The following KATNAL1 variants were observed in gnomAD, a reference collection of about 807,000 sequenced individuals.
KATNAL1 encodes katanin catalytic subunit A1 like 1, also known as katanin p60 ATPase-containing subunit A-like 1.
A neutral mutation model predicts 55.2 loss-of-function variants in KATNAL1; 32 were observed. The ratio of observed to expected loss-of-function variants is 0.58; its 90% CI spans 0.44 to 0.78. The LOEUF is 0.78. KATNAL1 is among the 30% of genes least tolerant of loss of function. The pLI is 0.00. For missense variants in KATNAL1, 466 were observed against 600.9 expected (o/e 0.78, Z 2.35); for synonymous variants, 193 against 193.6 (o/e 1.00, Z 0.02).
chr13:30,240,513 C>T lies in KATNAL1; in HGVS notation c.673G>A (p.Val225Ile). ...AAGTCAGGCATCCACATTGGAAGAA[C>T]AACAGCTTCCCTTAGCAACTTCTTA... ...EAKKLLREAV[V>I]LPMWMPDFFK... Residue 225 changes from valine (V) to isoleucine (I), a missense_variant, in exon 6 of 11, where the codon GTT (valine) becomes ATT (isoleucine). By Grantham distance (29) the Val-to-Ile change is conservative. Coordinates refer to ENST00000380615, the MANE Select transcript of KATNAL1 (RefSeq NM_032116.5). 1 of 1,613,872 alleles carries T rather than the reference C, an allele frequency of 6.2e-7. No homozygotes were observed. Among genetic ancestry groups the T allele is most frequent in the Non-Finnish European group, 8.5e-7 (1 of 1,179,840 alleles).
intron 9 of KATNAL1, among the ~76,000 whole-genome samples, chr13:30,218,055 TG>T (rs1438467214): frequency 1.1e-4 from 16 of 151,724 alleles, no homozygotes; most frequent in African/African-American, 3.9e-4. Context: ...ACCTGGGAAA[TG>T]GGAGTACCAC....
chr13:30,255,856 TTC>T (rs1878738229), intron 3 of KATNAL1, among the ~76,000 whole-genome samples: 1 of 152,096 alleles, frequency 6.6e-6, no homozygotes, highest in Non-Finnish European at 1.5e-5. Context: ...GCAGCAATTA[TTC>T]TGTCAAAAGT....
At chr13:30,281,574 T>A (rs1050212423) in intron 2 of KATNAL1, among the ~76,000 whole-genome samples, 1 of 152,232 alleles carries the variant, frequency 6.6e-6, no homozygotes, top group Admixed American at 6.5e-5. Context: ...TCAATATAAC[T>A]TGGTAACATT....
intron 3 of KATNAL1, among the ~76,000 whole-genome samples, chr13:30,259,177 TA>T: frequency 6.6e-6 from 1 of 152,074 alleles, no homozygotes; most frequent in Non-Finnish European, 1.5e-5. Context: ...CTGTCTCTAC[TA>T]AAAATACAAA....
Position 30,271,516 on chromosome 13 carries a change from C to T in KATNAL1, c.323+8547G>A, listed in dbSNP as rs114410162. Among the ~76,000 whole-genome samples the T allele has an allele frequency of 8.9e-3, 1,348 of 152,012 alleles. 28 individuals are homozygous for T. The highest frequency in any genetic ancestry group is 0.031 in the African/African-American group (1,287 of 41,392). On this transcript the variant is annotated intron_variant, in intron 3 of 10. Coordinates refer to ENST00000380615, the MANE Select transcript of KATNAL1 (RefSeq NM_032116.5). The stretch of plus-strand genomic sequence containing the variant: ...GCAGCAAGAGGTTGGGGGGTGCGGG[C>T]GGAAGGTCAGGGAGGTGCTACACAC...
intron 4 of KATNAL1, among the ~76,000 whole-genome samples, chr13:30,243,641 C>T (rs1877497322): frequency 7.0e-6 from 1 of 143,046 alleles, no homozygotes; most frequent in African/African-American, 2.6e-5. Context: ...AAAGCAAGGG[C>T]CAGTAACAAA....
At chr13:30,223,757 T>G (rs888253546) in intron 9 of KATNAL1, among the ~76,000 whole-genome samples, 1 of 152,094 alleles carries the variant, frequency 6.6e-6, no homozygotes, top group African/African-American at 2.4e-5. Context: ...AAGTTCCCAG[T>G]CATAGATGAA....
intron 4 of KATNAL1, among the ~76,000 whole-genome samples, chr13:30,251,695 T>C (rs1025203946): frequency 6.6e-6 from 1 of 152,118 alleles, no homozygotes; most frequent in African/African-American, 2.4e-5. Flanking sequence ...CCAGACACAC[T>C]GAAATAAAAC....
chr13:30,240,395 A>G, intron 6 of KATNAL1, 65 bp downstream of exon 6: 2 of 1,129,880 alleles, frequency 1.8e-6, no homozygotes, highest in Non-Finnish European at 2.7e-6. Flanking sequence ...AACTACAGCA[A>G]TGCTGCCTTT....
At chr13:30,277,375 T>G (rs1042528051) in intron 3 of KATNAL1, among the ~76,000 whole-genome samples, 3 of 152,182 alleles carry the variant, frequency 2.0e-5, no homozygotes, top group Non-Finnish European at 2.9e-5. Flanking sequence ...GACTAATGTT[T>G]AGAGAGGTTA....
chr13:30,253,445 A>G (rs1015114900), intron 4 of KATNAL1, among the ~76,000 whole-genome samples: 1 of 152,074 alleles, frequency 6.6e-6, no homozygotes, highest in Non-Finnish European at 1.5e-5. Context: ...TATAATTTCC[A>G]GGAAAAAAAA....
At position 30,207,688 on chromosome 13, in the gene KATNAL1, A is replaced by G. The variant is rs2137329427; in HGVS notation, c.*852T>C. The G allele has an allele frequency of 6.6e-6, 1 of 152,376 alleles. No homozygotes were observed. The highest frequency in any genetic ancestry group is 2.4e-5 in the African/African-American group (1 of 41,564). The allele number at this position is 152,376 out of a possible 1,614,324, so 9.4% of individuals were successfully genotyped here. ...AGGCTGAGACAGGAGAATTGCTTGA[A>G]TCTAGGAGGCAGAGGTTGCAGTGAG... On this transcript the variant is annotated 3_prime_UTR_variant, in exon 11 of 11. Transcript: ENST00000380615.
intron 4 of KATNAL1, among the ~76,000 whole-genome samples, chr13:30,253,908 C>T (rs1878565809): frequency 6.6e-6 from 1 of 152,166 alleles, no homozygotes; most frequent in Non-Finnish European, 1.5e-5. Context: ...CCATGTCTCA[C>T]TGTGAGACGC....
At chr13:30,217,296 C>CA (rs1401293799) in intron 9 of KATNAL1, among the ~76,000 whole-genome samples, 2 of 151,602 alleles carry the variant, frequency 1.3e-5, no homozygotes, top group African/African-American at 4.8e-5. Context: ...ACTAAAAATA[C>CA]AAAAAAAATT....
In KATNAL1 at chr13:30,274,895, G is replaced by GCA. The variant is rs1385241428; in HGVS notation, c.323+5167_323+5168insTG. ...GCGGGGTGTGTGCACACACATACGC[G>GCA]CGCGCGCGCGCGCACACACACACAC... On this transcript the variant is annotated intron_variant, in intron 3 of 10. Coordinates refer to ENST00000380615, the MANE Select transcript of KATNAL1 (RefSeq NM_032116.5). Among the ~76,000 whole-genome samples the GCA allele has an allele frequency of 1.3e-4, 13 of 98,122 alleles. 1 individual carries two copies. The highest frequency in any genetic ancestry group is 6.9e-4 in the South Asian group (2 of 2,886). The allele number at this position is 98,122 out of a possible 152,430, so 64.4% of individuals were successfully genotyped here.
At chr13:30,234,113 T>C (rs140919264) in intron 6 of KATNAL1, among the ~76,000 whole-genome samples, 56 of 152,332 alleles carry the variant, frequency 3.7e-4, no homozygotes, top group African/African-American at 1.3e-3. Context: ...ATCCCATTTA[T>C]ACTGATTGGA....
At chr13:30,299,715 C>T (rs528843490) in intron 1 of KATNAL1, among the ~76,000 whole-genome samples, 1 of 152,246 alleles carries the variant, frequency 6.6e-6, no homozygotes, top group South Asian at 2.1e-4. Flanking sequence ...CATCTTCTTA[C>T]AGTATTTACT....
chr13:30,236,185 T>G (rs183840238), intron 6 of KATNAL1, among the ~76,000 whole-genome samples: 1 of 152,296 alleles, frequency 6.6e-6, no homozygotes, highest in Admixed American at 6.5e-5. Context: ...ACTGTAAGGC[T>G]TCCCTAAGTT....
At chr13:30,263,764 T>C (rs1879507290) in intron 3 of KATNAL1, among the ~76,000 whole-genome samples, 1 of 135,752 alleles carries the variant, frequency 7.4e-6, no homozygotes, top group Non-Finnish European at 1.6e-5. Flanking sequence ...TGCTCATGGG[T>C]AGGAAGAATC....
Sources: allele counts gnomAD v4.1 joint callset (sites outside exome capture counted in the v4.1 genomes callset), GRCh38; gene constraint gnomAD v4.1.1; transcripts MANE v1.5; gene names NCBI Gene and HGNC (gene_info 2026-07-23, HGNC 2026-07-21).